HOOK3: variants seen among roughly 807,000 people sequenced by gnomAD.
HOOK3 encodes protein Hook homolog 3.
In HOOK3, 24 loss-of-function variants were observed where a neutral mutation model predicts 116.3. The ratio of observed to expected loss-of-function variants is 0.21; its 90% CI spans 0.15 to 0.29. HOOK3 has a LOEUF of 0.29. Among genes scored for constraint, HOOK3 ranks in the 10% least tolerant of loss-of-function variants. The probability of loss-of-function intolerance (pLI) is 1.00; values close to 1 mark genes in which losing one functional copy is unlikely to be tolerated. For missense variants in HOOK3, 632 were observed against 830.2 expected (o/e 0.76, Z 2.93); for synonymous variants, 275 against 283.0 (o/e 0.97, Z 0.28).
chr8:42,953,626 G>T (rs534962427), intron 6 of HOOK3, among the ~76,000 whole-genome samples: 1 of 151,528 alleles, frequency 6.6e-6, no homozygotes, highest in Non-Finnish European at 1.5e-5. Flanking sequence ...CATTTATCTA[G>T]CATCTACTAT....
intron 1 of HOOK3, among the ~76,000 whole-genome samples, chr8:42,905,507 T>G (rs769766432): frequency 1.2e-4 from 19 of 152,204 alleles, no homozygotes; most frequent in Middle Eastern, 6.8e-3. Context: ...AAGCATCTCC[T>G]TATCTCTCTT....
At chr8:42,935,767 A>G (rs1200317350) in intron 4 of HOOK3, among the ~76,000 whole-genome samples, 1 of 152,194 alleles carries the variant, frequency 6.6e-6, no homozygotes, top group East Asian at 1.9e-4. Context: ...CTTTGGTACC[A>G]GTACCATGCT....
At chr8:42,955,913 G>GA (rs1456890398) in intron 6 of HOOK3, among the ~76,000 whole-genome samples, 1 of 152,086 alleles carries the variant, frequency 6.6e-6, no homozygotes, top group Non-Finnish European at 1.5e-5. Context: ...GCCCAGGCTA[G>GA]AGTGCAGTGG....
chr8:42,968,224 A>G lies in HOOK3; in HGVS notation c.1122+10A>G, dbSNP rs1808666918. ...AACCTACAAGAGACAGGTAAAAGAA[A>G]CACAGCATCTTGATGATGGTTTCAG... On this transcript the variant is annotated intron_variant, in intron 11 of 21. Transcript: ENST00000307602. 3 of 1,600,132 alleles carry G rather than the reference A, an allele frequency of 1.9e-6. No homozygotes were observed. The highest frequency in any genetic ancestry group is 2.2e-5 in the East Asian group (1 of 44,794).
At chr8:42,954,445 A>G (rs1238691871) in intron 6 of HOOK3, among the ~76,000 whole-genome samples, 1 of 152,216 alleles carries the variant, frequency 6.6e-6, no homozygotes, top group Non-Finnish European at 1.5e-5. Flanking sequence ...TATGAAAACA[A>G]TGTATATCCA....
chr8:42,921,723 A>G (rs1463749512), intron 2 of HOOK3, among the ~76,000 whole-genome samples: 1 of 152,218 alleles, frequency 6.6e-6, no homozygotes, highest in African/African-American at 2.4e-5. Flanking sequence ...TTGGGACCAA[A>G]TGACAGCTGG....
At chr8:42,986,107 G>C (rs1809045524) in intron 14 of HOOK3, among the ~76,000 whole-genome samples, 1 of 152,144 alleles carries the variant, frequency 6.6e-6, no homozygotes, top group East Asian at 1.9e-4. Context: ...AGTTCTGTAT[G>C]GATACTGTTT....
At chr8:42,907,869 G>C (rs897764859) in intron 2 of HOOK3, among the ~76,000 whole-genome samples, 1 of 114,710 alleles carries the variant, frequency 8.7e-6, no homozygotes. Flanking sequence ...AGGAAAGGAA[G>C]ATGTGAAATT....
At chr8:42,954,009 G>A (rs974449577) in intron 6 of HOOK3, among the ~76,000 whole-genome samples, 1 of 152,098 alleles carries the variant, frequency 6.6e-6, no homozygotes, top group Non-Finnish European at 1.5e-5. Flanking sequence ...TAACTACCCA[G>A]TAGTAGGGCA....
intron 2 of HOOK3, among the ~76,000 whole-genome samples, chr8:42,909,896 T>C (rs1409050695): frequency 1.3e-5 from 2 of 152,116 alleles, no homozygotes; most frequent in Non-Finnish European, 2.9e-5. Flanking sequence ...ATTGAACTCA[T>C]AGAAGCAGAG....
intron 2 of HOOK3, among the ~76,000 whole-genome samples, chr8:42,906,830 A>G (rs1807321087): frequency 6.6e-6 from 1 of 152,196 alleles, no homozygotes. Context: ...TATCCAAGCA[A>G]CAGGCGAATG....
In HOOK3 at chr8:43,026,817, G is replaced by C; in HGVS notation, c.*8319G>C. 1 of 223,696 alleles carries C rather than the reference G, an allele frequency of 4.5e-6. No homozygotes were observed. The highest frequency in any genetic ancestry group is 8.9e-6 in the Non-Finnish European group (1 of 111,932). The allele number at this position is 223,696 out of a possible 1,614,324, so 13.9% of individuals were successfully genotyped here. A position where few individuals can be genotyped will look rare whatever the true frequency, so the allele number is the denominator to read the frequency against. ...GAAAGGCAGGCACTAAAGATGGCAG[G>C]CTGCAAAAGCATTCTGAGTTCCCCT... On this transcript the variant is annotated 3_prime_UTR_variant, in exon 22 of 22. Coordinates refer to ENST00000307602, the MANE Select transcript of HOOK3 (RefSeq NM_032410.4).
At chr8:42,924,447 C>T (rs1160323787) in intron 2 of HOOK3, among the ~76,000 whole-genome samples, 1 of 151,590 alleles carries the variant, frequency 6.6e-6, no homozygotes, top group East Asian at 1.9e-4. Context: ...ATATGTTTGT[C>T]CACACCAGTG....
intron 13 of HOOK3, among the ~76,000 whole-genome samples, chr8:42,979,987 G>A (rs1808907618): frequency 6.9e-6 from 1 of 145,300 alleles, no homozygotes; most frequent in Admixed American, 6.9e-5. Flanking sequence ...TTTTGAGATG[G>A]AGTTTTGCTC....
At chr8:42,919,683 G>A (rs905883060) in intron 2 of HOOK3, among the ~76,000 whole-genome samples, 1 of 152,230 alleles carries the variant, frequency 6.6e-6, no homozygotes, top group Non-Finnish European at 1.5e-5. Flanking sequence ...GACTCCGTCT[G>A]CAATCCCGGC....
Position 42,974,090 on chromosome 8 carries a change from T to C in HOOK3, c.1234-17T>C. 2 of 1,595,330 alleles carry C rather than the reference T, an allele frequency of 1.3e-6. No individual in the cohort carries two copies. The highest frequency in any genetic ancestry group is 1.7e-5 in the Admixed American group (1 of 59,828). ...TAAAACGTGAAGCTAACCCTCCATGTTTTTGTGTCTCTCCAGAGGCTGAGA... is the reference window on the plus strand; with the variant it reads ...TAAAACGTGAAGCTAACCCTCCATGCTTTTGTGTCTCTCCAGAGGCTGAGA... On this transcript the variant is annotated splice_polypyrimidine_tract_variant and intron_variant, in intron 12 of 21. Transcript: ENST00000307602.
Position 43,029,604 on chromosome 8 carries a change from A to G in HOOK3, c.*11106A>G, listed in dbSNP as rs1809995369. 2 of 191,836 alleles carry G rather than the reference A, an allele frequency of 1.0e-5. No individual in the cohort carries two copies. Among genetic ancestry groups the G allele is most frequent in the South Asian group, 3.9e-4 (2 of 5,178 alleles). 11.9% of individuals were successfully genotyped at this position (191,836 alleles called of 1,614,324 possible). A position where few individuals can be genotyped will look rare whatever the true frequency, so the allele number is the denominator to read the frequency against. ...AGGCTTATCTTGTTTTGCAGTTTTC[A>G]TGTTTTGACAATTGCCCACCATTTA... On this transcript the variant is annotated 3_prime_UTR_variant, in exon 22 of 22. Coordinates refer to ENST00000307602, the MANE Select transcript of HOOK3 (RefSeq NM_032410.4).
At chr8:42,939,953 C>G (rs1458742102) in intron 4 of HOOK3, among the ~76,000 whole-genome samples, 1 of 151,474 alleles carries the variant, frequency 6.6e-6, no homozygotes, top group African/African-American at 2.4e-5. Context: ...CTCCTCACTT[C>G]CTAGATGGGA....
chr8:42,928,256 C>T lies in HOOK3; in HGVS notation c.217-1866C>T, dbSNP rs191611552. Reference sequence around the variant, plus strand: ...ATGGCGCCACTGCACTCCAGCCTGGCGACAGAGCAAAACTCTGTCTCAGAA... The same window carrying T: ...ATGGCGCCACTGCACTCCAGCCTGGTGACAGAGCAAAACTCTGTCTCAGAA... On this transcript the variant is annotated intron_variant, in intron 3 of 21. Transcript: ENST00000307602. Among the ~76,000 whole-genome samples, 737 of 148,370 alleles carry T rather than the reference C, an allele frequency of 5.0e-3. 9 individuals are homozygous for T. Among genetic ancestry groups the T allele is most frequent in the Middle Eastern group, 0.014 (4 of 292 alleles).
Sources: allele counts gnomAD v4.1 joint callset (sites outside exome capture counted in the v4.1 genomes callset), GRCh38; gene constraint gnomAD v4.1.1; transcripts MANE v1.5; gene names NCBI Gene and HGNC (gene_info 2026-07-23, HGNC 2026-07-21).